ALDH1L2: variants seen among roughly 807,000 people sequenced by gnomAD.
ALDH1L2 encodes mitochondrial 10-formyltetrahydrofolate dehydrogenase.
Under a neutral mutation model 111.0 loss-of-function variants are expected in ALDH1L2, and 91 were observed. That is an observed-to-expected ratio of 0.82 (90% confidence interval 0.69 to 0.98). The LOEUF is 0.98. ALDH1L2 is among the 50% of genes least tolerant of loss of function. The pLI is 0.00. For missense variants in ALDH1L2, 995 were observed against 1,126.8 expected (o/e 0.88, Z 1.67); for synonymous variants, 374 against 392.6 (o/e 0.95, Z 0.56).
chr12:105,074,297 A>G (rs1037038579), intron 1 of ALDH1L2: 7 of 246,158 alleles, frequency 2.8e-5, no homozygotes, highest in Admixed American at 5.0e-5. Flanking sequence ...GTCTCTACTA[A>G]AAATACAAAA....
chr12:105,075,787 T>C (rs1878021303), intron 1 of ALDH1L2, among the ~76,000 whole-genome samples: 1 of 152,168 alleles, frequency 6.6e-6, no homozygotes, highest in Admixed American at 6.5e-5. Flanking sequence ...TATTTTACTT[T>C]ATTTATTTAT....
intron 18 of ALDH1L2, among the ~76,000 whole-genome samples, chr12:105,036,321 GTA>G (rs1220960828): frequency 1.4e-5 from 1 of 70,336 alleles, no homozygotes. Context: ...TTATATATGT[GTA>G]TATATATTAT....
At position 105,050,004 on chromosome 12, in the gene ALDH1L2, A is replaced by T. The variant is rs1876151787; in HGVS notation, c.1590T>A (p.Leu530=). The part of the protein sequence containing the change: ...NQEELATIEA[L]DSGAVYTLAL... The stretch of plus-strand genomic sequence containing the variant: ...CCAAGGTATAGACAGCCCCTGAATC[A>T]AGGGCTTCAATAGTTGCCAGCTCTT... The change falls in exon 13 of 23, where the codon CTT becomes CTA. Residue 530 remains leucine (L), a synonymous_variant. Coordinates refer to ENST00000258494, the MANE Select transcript of ALDH1L2 (RefSeq NM_001034173.4). 1 of 1,610,890 alleles carries T rather than the reference A, an allele frequency of 6.2e-7. No individual in the cohort carries two copies. Among genetic ancestry groups the T allele is most frequent in the Non-Finnish European group, 8.5e-7 (1 of 1,178,160 alleles).
intron 20 of ALDH1L2, among the ~76,000 whole-genome samples, chr12:105,031,503 C>G (rs1238498953): frequency 6.6e-6 from 1 of 152,070 alleles, no homozygotes; most frequent in Non-Finnish European, 1.5e-5. Context: ...TTGTTTGAGA[C>G]AGAGTCTCAG....
At position 105,032,176 on chromosome 12, in the gene ALDH1L2, T is replaced by TC. The variant is rs201922269; in HGVS notation, c.2245-243_2245-242insG. ...TGGCTCACTGCAACCTCGAACTTCT[T>TC]TTTTTTTTTTTTTTTTTTTGAGGTG... On this transcript the variant is annotated intron_variant, in intron 19 of 22. Transcript: ENST00000258494. Among the ~76,000 whole-genome samples the TC allele has an allele frequency of 5.6e-4, 59 of 105,160 alleles. 1 individual carries two copies. Among genetic ancestry groups the TC allele is most frequent in the African/African-American group, 1.1e-3 (17 of 15,394 alleles). The allele number at this position is 105,160 out of a possible 152,430, so 69.0% of individuals were successfully genotyped here. A position where few individuals can be genotyped will look rare whatever the true frequency, so the allele number is the denominator to read the frequency against.
intron 9 of ALDH1L2, among the ~76,000 whole-genome samples, chr12:105,058,469 G>A (rs1302238203): frequency 1.3e-5 from 2 of 152,092 alleles, no homozygotes; most frequent in South Asian, 4.1e-4. Context: ...AGCAATCAAG[G>A]CAAAAATATT....
At position 105,058,181 on chromosome 12, in the gene ALDH1L2, C is replaced by G; in HGVS notation, c.1179G>C (p.Gln393His). ...CCATATAGACATCTTCATTCTGCAA[C>G]TGAAGCCCACCACATTTCTGTCTGA... Reference protein sequence around the residue: ...EEIRQKCGGLQLQNEDVYMAT... With the variant: ...EEIRQKCGGLHLQNEDVYMAT... Residue 393 changes from glutamine (Q) to histidine (H), a missense_variant, in exon 10 of 23, where the codon CAG (glutamine) becomes CAC (histidine). Physicochemically the swap from Gln to His is conservative, Grantham distance 24 (BLOSUM62 0). Coordinates refer to ENST00000258494, the MANE Select transcript of ALDH1L2 (RefSeq NM_001034173.4). 6.2e-7 allele frequency: 1 copy of G among 1,611,472 alleles called. No individual in the cohort carries two copies. The highest frequency in any genetic ancestry group is 8.5e-7 in the Non-Finnish European group (1 of 1,179,050).
chr12:105,062,916 A>T lies in ALDH1L2; in HGVS notation c.893T>A (p.Leu298His). The change falls in exon 7 of 23, where the codon CTT becomes CAT. Residue 298 changes from leucine (L) to histidine (H), a missense_variant. Leu to His is a moderately conservative substitution (Grantham distance 99). Coordinates refer to ENST00000258494, the MANE Select transcript of ALDH1L2 (RefSeq NM_001034173.4). ...TTTTCCATCGTTACCAAAAAGAACA[A>T]GTCCATTTTTGGTAACGAGACCAGG... The part of the protein sequence containing the change: ...KKPGLVTKNG[L>H]VLFGNDGKAL... 1 of 1,613,088 alleles carries T rather than the reference A, an allele frequency of 6.2e-7. No individual in the cohort carries two copies. The highest frequency in any genetic ancestry group is 8.5e-7 in the Non-Finnish European group (1 of 1,179,748).
At chr12:105,043,190 G>T (rs1875643077) in intron 15 of ALDH1L2, among the ~76,000 whole-genome samples, 2 of 152,188 alleles carry the variant, frequency 1.3e-5, no homozygotes, top group African/African-American at 4.8e-5. Context: ...GGTGGCAGTG[G>T]TTCCTTCCCT....
At position 105,026,609 on chromosome 12, in the gene ALDH1L2, G is replaced by T. The variant is rs376976181; in HGVS notation, c.2652C>A (p.Tyr884Ter). ...LEAGTVFINT[Y>*]NKTDVAAPFG... ...ATGGGGCCGCCACATCTGTCTTGTT[G>T]TATGTGTTAATAAAAACAGTTCCTG... Residue 884 changes from tyrosine (Y) to a stop codon, truncating the protein, a stop_gained, in exon 22 of 23, where the codon TAC becomes TAA. Transcript: ENST00000258494. LOFTEE classifies it high-confidence loss of function. The T allele has an allele frequency of 1.5e-5, 25 of 1,613,976 alleles. No individual in the cohort carries two copies. The highest frequency in any genetic ancestry group is 6.7e-5 in the Admixed American group (4 of 59,986).
At chr12:105,072,245 G>T (rs1877782465) in intron 2 of ALDH1L2, 1 of 147,274 alleles carries the variant, frequency 6.8e-6, no homozygotes, top group African/African-American at 2.5e-5. Context: ...TAATATAATA[G>T]TATATATATT....
chr12:105,039,844 C>G, intron 16 of ALDH1L2, 38 bp from the exon 17 acceptor site: 2 of 1,593,956 alleles, frequency 1.3e-6, no homozygotes, highest in Non-Finnish European at 8.6e-7. Flanking sequence ...TTAAAACATA[C>G]TCAAGGCCGG....
intron 17 of ALDH1L2, among the ~76,000 whole-genome samples, 175 bp downstream of exon 17, chr12:105,039,538 T>C (rs1315902910): frequency 6.6e-6 from 1 of 152,238 alleles, no homozygotes; most frequent in South Asian, 2.1e-4. Context: ...CTCTGGGCTT[T>C]AATGCTTTGG....
chr12:105,042,142 C>G (rs1374138690), intron 15 of ALDH1L2, among the ~76,000 whole-genome samples: 2 of 152,160 alleles, frequency 1.3e-5, no homozygotes, highest in Non-Finnish European at 2.9e-5. Context: ...ATATCCATTT[C>G]TTTATTTAGC....
intron 21 of ALDH1L2, among the ~76,000 whole-genome samples, chr12:105,029,687 AT>A (rs1045396142): frequency 4.0e-5 from 6 of 151,414 alleles, no homozygotes; most frequent in South Asian, 2.1e-4. Flanking sequence ...TCTATTCTTT[AT>A]TTTTTTTTCA....
chr12:105,046,643 T>A (rs10861324), intron 15 of ALDH1L2, 67 bp downstream of exon 15: 1 of 1,350,444 alleles, frequency 7.4e-7, no homozygotes, highest in African/African-American at 1.5e-5. Context: ...ATAAATATAT[T>A]TCACTTTTTT....
At chr12:105,060,706 C>T (rs1249092198) in intron 9 of ALDH1L2, 2 of 234,990 alleles carry the variant, frequency 8.5e-6, no homozygotes, top group Non-Finnish European at 1.7e-5. Context: ...TGCCTGTAAT[C>T]CCAGCTACTC....
At chr12:105,037,411 C>G (rs1053197599) in intron 18 of ALDH1L2, among the ~76,000 whole-genome samples, 3 of 151,992 alleles carry the variant, frequency 2.0e-5, no homozygotes, top group Non-Finnish European at 2.9e-5. Flanking sequence ...AATATGAAAC[C>G]CTTTGTTGTG....
chr12:105,065,625 G>A, intron 5 of ALDH1L2, among the ~76,000 whole-genome samples: 1 of 152,154 alleles, frequency 6.6e-6, no homozygotes, highest in Non-Finnish European at 1.5e-5. Context: ...AGGGGAGTAG[G>A]CCAGTAGCTG....
Sources: gnomAD v4.1 joint callset for allele counts (sites outside exome capture counted in the v4.1 genomes callset) on GRCh38, gnomAD v4.1.1 for gene constraint, MANE v1.5 for transcripts, NCBI Gene and HGNC (gene_info 2026-07-23, HGNC 2026-07-21) for gene names.